Variants in CNGB3 observed in about 807,000 individuals in gnomAD.
The protein encoded by CNGB3 is cyclic nucleotide gated channel subunit beta 3.
A neutral mutation model predicts 92.8 loss-of-function variants in CNGB3; 86 were observed. The observed-to-expected ratio is 0.93, with a 90% CI of 0.78 to 1.11. The LOEUF (loss-of-function observed/expected upper bound fraction) is 1.11. Ranked by LOEUF, CNGB3 falls within the 50% of genes least tolerant of loss-of-function variation. The pLI, the probability that CNGB3 is intolerant of heterozygous loss-of-function variation, is 0.00. For missense variants in CNGB3, 1,026 were observed against 956.8 expected (o/e 1.07, Z -0.95); for synonymous variants, 333 against 332.7 (o/e 1.00, Z -0.01).
intron 3 of CNGB3, among the ~76,000 whole-genome samples, chr8:86,723,946 A>T (rs1825015763): frequency 6.6e-6 from 1 of 152,144 alleles, no homozygotes; most frequent in African/African-American, 2.4e-5. Flanking sequence ...ACCAGACACC[A>T]CATGTTCTCA....
intron 15 of CNGB3, among the ~76,000 whole-genome samples, chr8:86,599,321 T>C (rs182415548): frequency 6.6e-6 from 1 of 152,168 alleles, no homozygotes; most frequent in Admixed American, 6.5e-5. Context: ...CTGAGGAGGA[T>C]GTATGTTGCC....
chr8:86,710,940 A>G (rs1586030487), intron 3 of CNGB3, among the ~76,000 whole-genome samples: 1 of 152,230 alleles, frequency 6.6e-6, no homozygotes, highest in Admixed American at 6.5e-5. Flanking sequence ...CTGGTTTGAC[A>G]GTGAACTTGT....
chr8:86,678,252 A>T (rs1188428576), intron 3 of CNGB3, among the ~76,000 whole-genome samples: 1 of 152,204 alleles, frequency 6.6e-6, no homozygotes, highest in Non-Finnish European at 1.5e-5. Context: ...TACATTTCTG[A>T]GTGAAAATAG....
At chr8:86,618,098 A>C (rs1822651797) in intron 13 of CNGB3, among the ~76,000 whole-genome samples, 1 of 152,194 alleles carries the variant, frequency 6.6e-6, no homozygotes, top group South Asian at 2.1e-4. Context: ...CCGCATGCAT[A>C]GTTCACAATA....
At chr8:86,717,492 G>A (rs894516327) in intron 3 of CNGB3, among the ~76,000 whole-genome samples, 2 of 151,628 alleles carry the variant, frequency 1.3e-5, no homozygotes, top group Non-Finnish European at 2.9e-5. Flanking sequence ...GAACCCAGGG[G>A]GTGGAGGTTG....
chr8:86,721,403 G>A (rs140431366), intron 3 of CNGB3, among the ~76,000 whole-genome samples: 1 of 152,048 alleles, frequency 6.6e-6, no homozygotes, highest in Non-Finnish European at 1.5e-5. Context: ...TGGACTCTGG[G>A]GACTATGGGG....
chr8:86,647,737 CA>C (rs1823316310), intron 8 of CNGB3, 63 bp downstream of exon 8: 1 of 915,138 alleles, frequency 1.1e-6, no homozygotes. Context: ...TCAAGATTTC[CA>C]TTATAGGGAA....
intron 3 of CNGB3, among the ~76,000 whole-genome samples, chr8:86,677,481 T>C (rs909558017): frequency 2.6e-5 from 4 of 152,202 alleles, no homozygotes; most frequent in African/African-American, 9.7e-5. Context: ...GTGGTAGATA[T>C]TGAACTAGGT....
At chr8:86,737,606 G>A (rs2131681957) in intron 2 of CNGB3, among the ~76,000 whole-genome samples, 1 of 152,112 alleles carries the variant, frequency 6.6e-6, no homozygotes, top group South Asian at 2.1e-4. Flanking sequence ...AACCTTTTAG[G>A]TTCAGGAGTA....
intron 3 of CNGB3, among the ~76,000 whole-genome samples, chr8:86,725,412 A>AT (rs1384506479): frequency 2.0e-5 from 3 of 152,210 alleles, no homozygotes; most frequent in Non-Finnish European, 4.4e-5. Flanking sequence ...ACAGTTATAG[A>AT]TAAAATATAA....
intron 10 of CNGB3, among the ~76,000 whole-genome samples, chr8:86,634,075 T>G (rs1228257880): frequency 2.6e-5 from 4 of 152,090 alleles, no homozygotes; most frequent in Non-Finnish European, 5.9e-5. Context: ...AGGAACAGGA[T>G]GAGAAAAGAA....
chr8:86,625,704 A>G (rs1361242730), intron 13 of CNGB3, among the ~76,000 whole-genome samples: 2 of 152,126 alleles, frequency 1.3e-5, no homozygotes, highest in East Asian at 3.9e-4. Context: ...AAAGACATAG[A>G]GCCATGTAAT....
intron 1 of CNGB3, 40 bp from the exon 2 acceptor site, chr8:86,739,776 C>T (rs1825310728): frequency 1.1e-5 from 17 of 1,604,658 alleles, no homozygotes; most frequent in Non-Finnish European, 1.4e-5. Context: ...GATGAATTTA[C>T]ATAAAAATGA....
In CNGB3 at chr8:86,583,711, G is replaced by A. The variant is rs139365415; in HGVS notation, c.1782-4459C>T. On this transcript the variant is annotated intron_variant, in intron 15 of 17. Coordinates refer to ENST00000320005, the MANE Select transcript of CNGB3 (RefSeq NM_019098.5). ...GAGGCAGGCAGATTGCTGGAGCCCA[G>A]GAGTTCGAGACCAGACTGGGCAACA... Among the ~76,000 whole-genome samples the A allele has an allele frequency of 5.1e-4, 77 of 152,068 alleles. 1 individual carries two copies. Among genetic ancestry groups the A allele is most frequent in the African/African-American group, 1.8e-3 (75 of 41,516 alleles).
At chr8:86,642,163 A>G (rs1563737449) in intron 10 of CNGB3, among the ~76,000 whole-genome samples, 1 of 151,740 alleles carries the variant, frequency 6.6e-6, no homozygotes. Context: ...GTCTAGGTGT[A>G]AAAGGAGAAA....
rs539399019 is a variant in CNGB3 at position 86,603,417 on chromosome 8, A to G, written c.1781+676T>C. ...GAAGTGTTTAGCTCACAAAATGCTT[A>G]AATTTGCTGTCTATATTTTTCCTCT... On this transcript the variant is annotated intron_variant, in intron 15 of 17. Transcript: ENST00000320005. 1.8e-4 allele frequency among the ~76,000 whole-genome samples: 27 copies of G among 152,300 alleles called. No homozygotes were observed. In the East Asian group the frequency reaches 5.0e-3, roughly 28 times the overall value.
intron 12 of CNGB3, 97 bp downstream of exon 12, chr8:86,628,822 A>G: frequency 7.5e-7 from 1 of 1,335,088 alleles, no homozygotes; most frequent in Admixed American, 1.7e-5. Flanking sequence ...TTGTTTTTCA[A>G]CCTTTTGTTC....
chr8:86,656,503 C>T (rs1025879692), intron 6 of CNGB3, among the ~76,000 whole-genome samples: 4 of 152,126 alleles, frequency 2.6e-5, no homozygotes, highest in African/African-American at 4.8e-5. Context: ...GCATGCTTAC[C>T]GGTAACAATT....
intron 3 of CNGB3, among the ~76,000 whole-genome samples, chr8:86,703,450 G>T (rs773408305): frequency 6.6e-6 from 1 of 152,008 alleles, no homozygotes; most frequent in African/African-American, 2.4e-5. Context: ...TCTCATTTCC[G>T]TCTACCCCTT....
Sources: gnomAD v4.1 joint callset for allele counts (sites outside exome capture counted in the v4.1 genomes callset) on GRCh38, gnomAD v4.1.1 for gene constraint, MANE v1.5 for transcripts, NCBI Gene and HGNC (gene_info 2026-07-23, HGNC 2026-07-21) for gene names.